UBE2G1: variants seen among roughly 807,000 people sequenced by gnomAD.
UBE2G1 encodes the protein ubiquitin-conjugating enzyme E2 G1.
Under a neutral mutation model 22.7 loss-of-function variants are expected in UBE2G1, and 5 were observed. That is an observed-to-expected ratio of 0.22 (90% confidence interval 0.12 to 0.46). The LOEUF is 0.46. Ranked by LOEUF, UBE2G1 falls within the 20% of genes least tolerant of loss-of-function variation. The probability of loss-of-function intolerance (pLI) is 0.99; values close to 1 mark genes in which losing one functional copy is unlikely to be tolerated. For synonymous variants in UBE2G1, 74 were observed against 67.5 expected (o/e 1.10, Z -0.47); for missense variants, 88 against 203.9 (o/e 0.43, Z 3.46).
chr17:4,362,675 T>C lies in UBE2G1; in HGVS notation c.46+3596A>G, dbSNP rs544478871. ...ACTAGAGGTTCAATAAATGTAGCCA[T>C]TGTTGTTTTAAGTTTTTGGAAATTT... On this transcript the variant is annotated intron_variant, in intron 1 of 5. Coordinates refer to ENST00000396981, the MANE Select transcript of UBE2G1 (RefSeq NM_003342.5). 3.9e-5 allele frequency among the ~76,000 whole-genome samples: 6 copies of C among 152,194 alleles called. No individual in the cohort carries two copies. In the South Asian group the frequency reaches 6.2e-4, roughly 16 times the overall value.
At chr17:4,323,560 T>C (rs1384160765) in intron 1 of UBE2G1, among the ~76,000 whole-genome samples, 1 of 152,212 alleles carries the variant, frequency 6.6e-6, no homozygotes, top group Admixed American at 6.5e-5. Flanking sequence ...TAGATCTTAC[T>C]AAGGAGACTG....
At chr17:4,284,629 A>G (rs1343953060) in intron 4 of UBE2G1, among the ~76,000 whole-genome samples, 1 of 151,454 alleles carries the variant, frequency 6.6e-6, no homozygotes, top group East Asian at 1.9e-4. Context: ...AAATAAAAGA[A>G]CTGCTAGTGT....
Position 4,270,874 on chromosome 17 carries a change from A to G in UBE2G1, c.*1680T>C, listed in dbSNP as rs1968749895. On this transcript the variant is annotated 3_prime_UTR_variant, in exon 6 of 6. Coordinates refer to ENST00000396981, the MANE Select transcript of UBE2G1 (RefSeq NM_003342.5). ...ATTTCTGCTTAAAAAAGGACATACA[A>G]CGTTTGTAGAGGTCTGGGCTCTTGG... The G allele has an allele frequency of 6.6e-6, 1 of 152,132 alleles. No individual in the cohort carries two copies. The highest frequency in any genetic ancestry group is 1.5e-5 in the Non-Finnish European group (1 of 68,020). The allele number at this position is 152,132 out of a possible 1,614,324, so 9.4% of individuals were successfully genotyped here.
chr17:4,347,469 C>CTTTTTTTTTT (rs34014821), intron 1 of UBE2G1, among the ~76,000 whole-genome samples: 7 of 89,526 alleles, frequency 7.8e-5, no homozygotes, highest in African/African-American at 2.4e-4. Context: ...AGTATTTCTT[C>CTTTTTTTTTT]TTTTTTTTTT....
intron 5 of UBE2G1, 82 bp from the exon 6 acceptor site, chr17:4,272,598 A>AT (rs1468760865): frequency 5.4e-6 from 1 of 186,482 alleles, no homozygotes; most frequent in Non-Finnish European, 1.1e-5. Context: ...TCCATATTAG[A>AT]TTTATTTGAC....
intron 1 of UBE2G1, among the ~76,000 whole-genome samples, chr17:4,329,551 C>T (rs760110441): frequency 1.3e-5 from 2 of 149,926 alleles, no homozygotes; most frequent in African/African-American, 4.9e-5. Context: ...GAGACTCTGT[C>T]TCAAAAAAAA....
At chr17:4,283,612 C>CA (rs1968923001) in intron 4 of UBE2G1, among the ~76,000 whole-genome samples, 1 of 152,020 alleles carries the variant, frequency 6.6e-6, no homozygotes. Flanking sequence ...TGGGATGCAT[C>CA]ATATTGAGAT....
At chr17:4,313,219 T>C (rs1291728953) in intron 1 of UBE2G1, among the ~76,000 whole-genome samples, 2 of 152,226 alleles carry the variant, frequency 1.3e-5, no homozygotes, top group African/African-American at 4.8e-5. Context: ...GGTCCTCCTA[T>C]GCAGGACACA....
chr17:4,304,456 G>A (rs1029659310), intron 2 of UBE2G1, among the ~76,000 whole-genome samples: 73 of 152,092 alleles, frequency 4.8e-4, no homozygotes, highest in Non-Finnish European at 1.5e-4. Flanking sequence ...AGGGACTACT[G>A]CACTGGAAAG....
At chr17:4,335,538 CTATTTGATAAACA>C (rs1229477299) in intron 1 of UBE2G1, among the ~76,000 whole-genome samples, 1 of 152,176 alleles carries the variant, frequency 6.6e-6, no homozygotes, top group African/African-American at 2.4e-5. Flanking sequence ...CCTGAAAAAA[CTATTTGATAAACA>C]TAATAGATTT....
chr17:4,347,777 GTTT>G (rs925459238), intron 1 of UBE2G1, among the ~76,000 whole-genome samples: 13 of 151,936 alleles, frequency 8.6e-5, no homozygotes, highest in African/African-American at 3.1e-4. Flanking sequence ...CGCCTGGCCA[GTTT>G]TTTTCATTAT....
At chr17:4,353,157 G>A (rs913207629) in intron 1 of UBE2G1, among the ~76,000 whole-genome samples, 35 of 151,996 alleles carry the variant, frequency 2.3e-4, no homozygotes, top group Non-Finnish European at 4.3e-4. Flanking sequence ...GGCGGAGGCT[G>A]CGGTGAGCCG....
intron 2 of UBE2G1, among the ~76,000 whole-genome samples, chr17:4,298,489 A>G (rs985918042): frequency 6.6e-6 from 1 of 152,212 alleles, no homozygotes; most frequent in African/African-American, 2.4e-5. Flanking sequence ...TTCACAAGCA[A>G]GTATGAATTT....
At chr17:4,285,547 A>T (rs1459233121) in intron 4 of UBE2G1, among the ~76,000 whole-genome samples, 1 of 152,202 alleles carries the variant, frequency 6.6e-6, no homozygotes, top group Non-Finnish European at 1.5e-5. Flanking sequence ...ATCAACCAAG[A>T]AGAAAAAGAA....
intron 1 of UBE2G1, among the ~76,000 whole-genome samples, chr17:4,348,350 G>A (rs1969805032): frequency 6.8e-6 from 1 of 147,440 alleles, no homozygotes; most frequent in Non-Finnish European, 1.5e-5. Context: ...TCAGGAGATC[G>A]AGACCATCCC....
chr17:4,354,271 G>A (rs1397931431), intron 1 of UBE2G1, among the ~76,000 whole-genome samples: 1 of 152,116 alleles, frequency 6.6e-6, no homozygotes, highest in Non-Finnish European at 1.5e-5. Context: ...CCCTAAAGCA[G>A]CTGTATTATG....
intron 1 of UBE2G1, among the ~76,000 whole-genome samples, chr17:4,350,143 A>G (rs1315681042): frequency 3.3e-5 from 5 of 152,076 alleles, no homozygotes; most frequent in Admixed American, 2.6e-4. Context: ...TCTATCTTAC[A>G]TATTATGGCT....
chr17:4,279,788 TA>T (rs1968863368), intron 5 of UBE2G1, among the ~76,000 whole-genome samples: 11 of 113,236 alleles, frequency 9.7e-5, no homozygotes, highest in African/African-American at 6.4e-4. Context: ...AAAAAAGTTA[TA>T]TATATATATA....
chr17:4,356,154 G>C (rs1421692232), intron 1 of UBE2G1, among the ~76,000 whole-genome samples: 1 of 145,738 alleles, frequency 6.9e-6, no homozygotes, highest in Non-Finnish European at 1.5e-5. Flanking sequence ...TCAGGAGTTC[G>C]AGAACAGCCT....
Sources: gnomAD v4.1 joint callset for allele counts (sites outside exome capture counted in the v4.1 genomes callset) on GRCh38, gnomAD v4.1.1 for gene constraint, MANE v1.5 for transcripts, NCBI Gene and HGNC (gene_info 2026-07-23, HGNC 2026-07-21) for gene names.